TNRC6C: variants seen among roughly 807,000 people sequenced by gnomAD.
The protein encoded by TNRC6C is trinucleotide repeat-containing gene 6C protein.
In TNRC6C, 20 loss-of-function variants were observed where a neutral mutation model predicts 153.7. The ratio of observed to expected loss-of-function variants is 0.13; its 90% CI spans 0.09 to 0.19. TNRC6C has a LOEUF of 0.19. Ranked by LOEUF, TNRC6C falls within the 10% of genes least tolerant of loss-of-function variation. The probability of loss-of-function intolerance (pLI) is 1.00; values close to 1 mark genes in which losing one functional copy is unlikely to be tolerated. For synonymous variants in TNRC6C, 811 were observed against 841.4 expected (o/e 0.96, Z 0.63); for missense variants, 1,987 against 2,172.0 (o/e 0.91, Z 1.69).
intron 3 of TNRC6C, among the ~76,000 whole-genome samples, chr17:78,056,323 A>G (rs556214678): frequency 6.7e-6 from 1 of 148,922 alleles, no homozygotes; most frequent in African/African-American, 2.5e-5. Flanking sequence ...ATGCCTGGCT[A>G]ATTTTTGTAT....
At chr17:78,003,214 C>T (rs149592772), upstream of TNRC6C, among the ~76,000 whole-genome samples, 12 of 152,122 alleles carry the variant, frequency 7.9e-5, no homozygotes, top group South Asian at 2.1e-4. Flanking sequence ...AAACCCACTG[C>T]GAAGGAAATC....
chr17:78,002,583 C>T (rs1359744345), upstream of TNRC6C, among the ~76,000 whole-genome samples: 1 of 152,156 alleles, frequency 6.6e-6, no homozygotes, highest in Non-Finnish European at 1.5e-5. Flanking sequence ...CTGCTATAAT[C>T]CCAGAGCACT....
At chr17:78,030,106 TA>T (rs2072034179) in intron 1 of TNRC6C, among the ~76,000 whole-genome samples, 1 of 152,146 alleles carries the variant, frequency 6.6e-6, no homozygotes, top group Non-Finnish European at 1.5e-5. Flanking sequence ...AACCATTATG[TA>T]CTACTGTACA....
chr17:78,056,232 A>G (rs2072651863), intron 3 of TNRC6C, among the ~76,000 whole-genome samples: 1 of 150,742 alleles, frequency 6.6e-6, no homozygotes, highest in African/African-American at 2.4e-5. Flanking sequence ...ATCTCGTCTT[A>G]CTGCAACTTC....
chr17:78,016,181 A>T (rs544860551), intron 1 of TNRC6C, among the ~76,000 whole-genome samples: 2 of 152,208 alleles, frequency 1.3e-5, no homozygotes, highest in Non-Finnish European at 2.9e-5. Flanking sequence ...TCTAGAGCAC[A>T]GTGCCACTGC....
rs1156825156 is a variant in TNRC6C, at chr17:78,049,536, G to A, written c.474G>A (p.Glu158=). The A allele has an allele frequency of 3.1e-6, 5 of 1,614,040 alleles. No individual in the cohort carries two copies. ...CTTGGGGAAACTTGCTGCCACAAGA[G>A]AGCACAGAACCACAAACGTCCACTT... is the stretch of plus-strand genomic sequence containing the variant. Residue 158 remains glutamate, a synonymous_variant, in exon 3 of 20, where the codon GAG becomes GAA. Coordinates refer to ENST00000301624, the Ensembl canonical transcript of TNRC6C. This position sits in a 1 kb window ranked among gnomAD's most constrained non-coding sequence, Gnocchi z 4.1.
At chr17:78,086,399 C>G in intron 11 of TNRC6C, 104 bp from the exon 14 acceptor site, 12 of 557,206 alleles carry the variant, frequency 2.2e-5, no homozygotes, top group East Asian at 1.6e-4. Context: ...AGAAGAGTGG[C>G]TAGGTTCTCT....
Position 77,980,958 on chromosome 17 carries a change from T to G in TNRC6C, c.-38+21690T>G, listed in dbSNP as rs373611769. Among the ~76,000 whole-genome samples the G allele has an allele frequency of 7.2e-5, 11 of 152,142 alleles. No homozygotes were observed. In the South Asian group the frequency reaches 8.3e-4, roughly 12 times the overall value. ...TCTCCAAACCCAATCCTTTTGGGTT[T>G]GTTTTGTTTTGTTATGTTTTTTGGT... On this transcript the variant is annotated intron_variant, in intron 1 of 22. Coordinates refer to the TNRC6C transcript ENST00000636222.
intron 3 of TNRC6C, among the ~76,000 whole-genome samples, chr17:78,053,274 C>T (rs574720219): frequency 3.0e-4 from 46 of 152,216 alleles, no homozygotes; most frequent in African/African-American, 1.0e-3. Flanking sequence ...TAGGCCCTTA[C>T]ATTTTATAAA....
At chr17:77,995,739 C>T (rs928068412) in intron 1 of TNRC6C, among the ~76,000 whole-genome samples, 12 of 152,194 alleles carry the variant, frequency 7.9e-5, no homozygotes, top group South Asian at 2.1e-4. Context: ...CACACACACA[C>T]GTGTCATTAT....
intron 1 of TNRC6C, among the ~76,000 whole-genome samples, chr17:78,006,496 TTCTTCTTC>T (rs1567910756): frequency 0.088 from 647 of 7,314 alleles, 8 homozygotes; most frequent in African/African-American, 0.15. Context: ...TTCTTCTTTC[TTCTTCTTC>T]TTCTTCTTCT....
At chr17:77,986,544 A>G (rs937615861) in intron 1 of TNRC6C, among the ~76,000 whole-genome samples, 5 of 152,220 alleles carry the variant, frequency 3.3e-5, no homozygotes, top group African/African-American at 1.2e-4. Flanking sequence ...AAGCAATTCT[A>G]ATTTTTAAAA....
chr17:77,982,354 CAG>C (rs1021189356), intron 1 of TNRC6C, among the ~76,000 whole-genome samples: 46 of 152,012 alleles, frequency 3.0e-4, no homozygotes, highest in African/African-American at 1.1e-3. Flanking sequence ...AATAGTCACT[CAG>C]AATGTTTTCT....
exon 17 of TNRC6C, chr17:78,098,359 C>A: frequency 6.2e-7 from 1 of 1,611,794 alleles, no homozygotes; most frequent in Non-Finnish European, 8.5e-7. Context: ...TGTCAGACAT[C>A]AAATCGACGT....
intron 11 of TNRC6C, among the ~76,000 whole-genome samples, chr17:78,084,293 A>AG (rs2073236419): frequency 6.6e-6 from 1 of 151,880 alleles, no homozygotes; most frequent in East Asian, 1.9e-4. Flanking sequence ...AAAAAAAAAA[A>AG]AGAAAATCAT....
chr17:78,098,800 TG>T (rs2073536176), intron 17 of TNRC6C, among the ~76,000 whole-genome samples: 1 of 152,216 alleles, frequency 6.6e-6, no homozygotes, highest in South Asian at 2.1e-4. Context: ...CAGCACCCAT[TG>T]AGGGCCCACA....
intron 1 of TNRC6C, among the ~76,000 whole-genome samples, chr17:78,029,507 CTA>C (rs143641017): frequency 0.011 from 1,731 of 152,278 alleles, 29 homozygotes; most frequent in African/African-American, 0.04. Context: ...GGGCACTTAA[CTA>C]TGAATGGAGC....
intron 3 of TNRC6C, among the ~76,000 whole-genome samples, chr17:78,058,299 C>T (rs149005409): frequency 1.3e-5 from 2 of 152,304 alleles, no homozygotes; most frequent in Admixed American, 1.3e-4. Flanking sequence ...GGAATGAAAG[C>T]AGATCCTAAA....
exon 3 of TNRC6C, chr17:78,050,051 A>T (rs755708988): frequency 1.2e-6 from 2 of 1,610,684 alleles, no homozygotes; most frequent in Non-Finnish European, 1.7e-6. Context: ...GCTTGGGGCC[A>T]CCCCAGCCGA....
Sources: gnomAD v4.1 joint callset for allele counts (sites outside exome capture counted in the v4.1 genomes callset) on GRCh38, gnomAD v4.1.1 for gene constraint, Gnocchi (gnomAD v3.1) non-coding constraint, MANE v1.5 for transcripts, NCBI Gene and HGNC (gene_info 2026-07-23, HGNC 2026-07-21) for gene names.